The following TSNAX variants were observed in gnomAD, a reference collection of about 807,000 sequenced individuals.
TSNAX encodes translin associated factor X.
A neutral mutation model predicts 33.0 loss-of-function variants in TSNAX; 12 were observed. That is an observed-to-expected ratio of 0.36 (90% CI 0.23 to 0.59). The LOEUF (loss-of-function observed/expected upper bound fraction) is 0.59. Ranked by LOEUF, TSNAX falls within the 20% of genes least tolerant of loss-of-function variation. TSNAX has a pLI of 0.74. For missense variants in TSNAX, 267 were observed against 341.3 expected, an observed-to-expected ratio of 0.78 and a Z score of 1.72; for synonymous variants, 110 against 117.2, an observed-to-expected ratio of 0.94 and a Z score of 0.40.
chr1:231,541,254 A>T (rs1482213051), intron 3 of TSNAX, among the ~76,000 whole-genome samples: 1 of 152,094 alleles, frequency 6.6e-6, no homozygotes, highest in African/African-American at 2.4e-5. Context: ...TTCATAATAT[A>T]TATCTTATTG....
intron 4 of TSNAX, among the ~76,000 whole-genome samples, chr1:231,544,357 T>A (rs1446777391): frequency 6.6e-6 from 1 of 152,238 alleles, no homozygotes; most frequent in Non-Finnish European, 1.5e-5. Context: ...TCATGTAGTA[T>A]GCCTATCTTG....
chr1:231,565,359 T>C lies in TSNAX; in HGVS notation c.*454T>C, dbSNP rs1302350205. The stretch of plus-strand genomic sequence containing the variant: ...CTGTTTAAATTTCTTGTTAATATCG[T>C]GCCAAGCCTCAAAAATAGGCTTATT... On this transcript the variant is annotated 3_prime_UTR_variant, in exon 6 of 6. Transcript: ENST00000366639. 1 of 153,684 alleles carries C rather than the reference T, an allele frequency of 6.5e-6. No individual in the cohort carries two copies. Among genetic ancestry groups the C allele is most frequent in the Non-Finnish European group, 1.4e-5 (1 of 69,190 alleles). The allele number at this position is 153,684 out of a possible 1,614,324, so 9.5% of individuals were successfully genotyped here.
At chr1:231,563,005 A>G (rs757984637) in intron 5 of TSNAX, among the ~76,000 whole-genome samples, 6 of 152,170 alleles carry the variant, frequency 3.9e-5, no homozygotes, top group Non-Finnish European at 7.3e-5. Context: ...CGTTGCACCA[A>G]ATGGTCTCTG....
At chr1:231,560,982 A>G in intron 4 of TSNAX, 146 bp from the exon 5 acceptor site, 1 of 731,930 alleles carries the variant, frequency 1.4e-6, no homozygotes, top group Non-Finnish European at 2.2e-6. Flanking sequence ...TTTCTATTCT[A>G]AGTGTCTAGT....
intron 2 of TSNAX, among the ~76,000 whole-genome samples, chr1:231,531,232 A>G (rs535275667): frequency 2.0e-5 from 3 of 152,226 alleles, no homozygotes; most frequent in South Asian, 4.1e-4. Flanking sequence ...TGCTGGGATT[A>G]CAGGCGTGAG....
At chr1:231,559,427 C>T (rs1165151552) in intron 4 of TSNAX, among the ~76,000 whole-genome samples, 7 of 152,140 alleles carry the variant, frequency 4.6e-5, no homozygotes, top group African/African-American at 1.7e-4. Flanking sequence ...CTCCCGGGTT[C>T]ACGCCATTCT....
At chr1:231,538,277 A>T (rs1327732563) in intron 3 of TSNAX, among the ~76,000 whole-genome samples, 1 of 152,258 alleles carries the variant, frequency 6.6e-6, no homozygotes, top group East Asian at 1.9e-4. Context: ...GAAATTAATT[A>T]TAAAAAAAGC....
chr1:231,549,528 C>G (rs1204770472), intron 4 of TSNAX, among the ~76,000 whole-genome samples: 1 of 152,116 alleles, frequency 6.6e-6, no homozygotes, highest in Non-Finnish European at 1.5e-5. Context: ...GAAAGTTTAC[C>G]TGAGCAATAA....
At chr1:231,560,906 C>T (rs529674186) in intron 4 of TSNAX, among the ~76,000 whole-genome samples, 35 of 152,228 alleles carry the variant, frequency 2.3e-4, no homozygotes, top group Non-Finnish European at 4.0e-4. Flanking sequence ...GTGATCCACC[C>T]GCCTTGGCCT....
At position 231,550,609 on chromosome 1, in the gene TSNAX, A is replaced by T. The variant is rs189078583; in HGVS notation, c.367+7998A>T. On this transcript the variant is annotated intron_variant, in intron 4 of 5. Transcript: ENST00000366639. ...AGTCTGGGGGAAGGGAGCCTTATTG[A>T]TAACCATCACAGGACAGCAGGCATC... Among the ~76,000 whole-genome samples the T allele has an allele frequency of 2.5e-3, 386 of 152,284 alleles. 2 individuals are homozygous for T. Among genetic ancestry groups the T allele is most frequent in the African/African-American group, 8.7e-3 (360 of 41,546 alleles).
chr1:231,564,266 G>A (rs912988844), intron 5 of TSNAX, among the ~76,000 whole-genome samples: 1 of 152,148 alleles, frequency 6.6e-6, no homozygotes, highest in Non-Finnish European at 1.5e-5. Flanking sequence ...GAAATAGTTG[G>A]TTTCATAATG....
intron 2 of TSNAX, 58 bp from the exon 3 acceptor site, chr1:231,537,155 T>C (rs1659235862): frequency 7.5e-7 from 1 of 1,324,606 alleles, no homozygotes; most frequent in South Asian, 1.3e-5. Context: ...CTTAAAAATA[T>C]TGTTTGGTAG....
intron 4 of TSNAX, among the ~76,000 whole-genome samples, chr1:231,547,799 T>C (rs1227640196): frequency 6.7e-6 from 1 of 150,146 alleles, no homozygotes; most frequent in African/African-American, 2.4e-5. Context: ...TGTAAGCTAA[T>C]AAAAGGGAAA....
intron 4 of TSNAX, among the ~76,000 whole-genome samples, chr1:231,546,610 T>G (rs1049437885): frequency 1.3e-5 from 2 of 152,212 alleles, no homozygotes; most frequent in African/African-American, 4.8e-5. Context: ...TGAGTGAGAT[T>G]AAGAGAGAAG....
At chr1:231,533,299 A>G (rs947681172) in intron 2 of TSNAX, among the ~76,000 whole-genome samples, 8 of 152,064 alleles carry the variant, frequency 5.3e-5, no homozygotes, top group Non-Finnish European at 1.0e-4. Context: ...GGGTTTCACT[A>G]TATATTGGCT....
chr1:231,546,663 A>G (rs1400511301), intron 4 of TSNAX, among the ~76,000 whole-genome samples: 3 of 152,262 alleles, frequency 2.0e-5, no homozygotes, highest in Admixed American at 6.5e-5. Context: ...AAGTGCAGAA[A>G]CAGATTAATA....
intron 4 of TSNAX, among the ~76,000 whole-genome samples, chr1:231,549,075 C>G (rs1165662916): frequency 1.3e-5 from 2 of 152,104 alleles, no homozygotes; most frequent in African/African-American, 2.4e-5. Flanking sequence ...AAAATTCTTG[C>G]TCAGTCACTT....
intron 4 of TSNAX, among the ~76,000 whole-genome samples, chr1:231,552,794 T>G (rs1660410435): frequency 6.6e-6 from 1 of 152,210 alleles, no homozygotes; most frequent in African/African-American, 2.4e-5. Context: ...AATCTACTTT[T>G]GTCTCTATGG....
intron 4 of TSNAX, among the ~76,000 whole-genome samples, chr1:231,549,621 G>A (rs1660171644): frequency 6.6e-6 from 1 of 152,186 alleles, no homozygotes; most frequent in Non-Finnish European, 1.5e-5. Context: ...CTCATTATTT[G>A]GCAGTAGGAT....
Sources: gnomAD v4.1 joint callset for allele counts (sites outside exome capture counted in the v4.1 genomes callset) on GRCh38, gnomAD v4.1.1 for gene constraint, MANE v1.5 for transcripts, NCBI Gene and HGNC (gene_info 2026-07-23, HGNC 2026-07-21) for gene names.